CUX2: variants seen among roughly 807,000 people sequenced by gnomAD.
CUX2 encodes the protein cut like homeobox 2, also known as homeobox protein cut-like 2.
In CUX2, 40 loss-of-function variants were observed where a neutral mutation model predicts 144.8. That is an observed-to-expected ratio of 0.28 (90% CI 0.21 to 0.36). The LOEUF (loss-of-function observed/expected upper bound fraction) is 0.36. Ranked by LOEUF, CUX2 falls within the 10% of genes least tolerant of loss-of-function variation. The probability of loss-of-function intolerance (pLI) is 1.00; values close to 1 mark genes in which losing one functional copy is unlikely to be tolerated. For missense variants in CUX2, 1,615 were observed against 1,994.0 expected, an observed-to-expected ratio of 0.81 and a Z score of 3.62; for synonymous variants, 827 against 875.6, an observed-to-expected ratio of 0.94 and a Z score of 0.98.
intron 1 of CUX2, among the ~76,000 whole-genome samples, chr12:111,169,620 G>A (rs1267940109): frequency 6.6e-6 from 1 of 152,204 alleles, no homozygotes; most frequent in Non-Finnish European, 1.5e-5. Context: ...AGAGGAAAAA[G>A]CCTCCTCAGT....
intron 1 of CUX2, among the ~76,000 whole-genome samples, chr12:111,211,886 C>CAA (rs1169597609): frequency 0.013 from 1,133 of 84,604 alleles, 18 homozygotes; most frequent in African/African-American, 0.042. Flanking sequence ...GACTCCGTCT[C>CAA]AAAAAAAAAA....
intron 1 of CUX2, among the ~76,000 whole-genome samples, chr12:111,090,664 A>G (rs1872505504): frequency 6.6e-6 from 1 of 151,960 alleles, no homozygotes; most frequent in African/African-American, 2.4e-5. Context: ...GGGTCAAATG[A>G]TATCCTCCCT....
intron 1 of CUX2, among the ~76,000 whole-genome samples, chr12:111,176,006 A>T (rs1468362682): frequency 3.8e-5 from 5 of 131,520 alleles, no homozygotes; most frequent in Non-Finnish European, 6.5e-5. Context: ...GGGAGAACTG[A>T]TGGGGTTTGA....
chr12:111,341,275 C>A (rs1224846677), intron 20 of CUX2, among the ~76,000 whole-genome samples: 1 of 151,940 alleles, frequency 6.6e-6, no homozygotes, highest in Non-Finnish European at 1.5e-5. Flanking sequence ...ACCTGGGTGA[C>A]AGAGAGAGAC....
intron 4 of CUX2, among the ~76,000 whole-genome samples, chr12:111,272,337 C>T (rs2136302648): frequency 6.6e-6 from 1 of 152,294 alleles, no homozygotes; most frequent in African/African-American, 2.4e-5. Flanking sequence ...CATGCCCACG[C>T]TTCTGCTCAG....
intron 18 of CUX2, among the ~76,000 whole-genome samples, chr12:111,329,127 T>A (rs991967738): frequency 6.7e-6 from 1 of 149,458 alleles, no homozygotes; most frequent in African/African-American, 2.5e-5. Context: ...TCATCTCTCT[T>A]GCACCATCCT....
intron 1 of CUX2, among the ~76,000 whole-genome samples, chr12:111,040,262 G>A (rs527786153): frequency 6.6e-6 from 1 of 151,468 alleles, no homozygotes; most frequent in Non-Finnish European, 1.5e-5. Context: ...ACTCCAGCCT[G>A]AGCAACTGAG....
chr12:111,267,580 G>A (rs908955334), intron 4 of CUX2, among the ~76,000 whole-genome samples: 1 of 152,206 alleles, frequency 6.6e-6, no homozygotes, highest in African/African-American at 2.4e-5. Context: ...TCCTACGGCT[G>A]TTGTAATAAA....
intron 1 of CUX2, among the ~76,000 whole-genome samples, chr12:111,095,165 G>A (rs1440644282): frequency 6.6e-6 from 1 of 152,158 alleles, no homozygotes; most frequent in East Asian, 1.9e-4. Context: ...CTGTGGTTAA[G>A]AGCATGAGGG....
intron 21 of CUX2, among the ~76,000 whole-genome samples, chr12:111,344,609 G>A (rs943538296): frequency 6.6e-6 from 1 of 152,204 alleles, no homozygotes; most frequent in Non-Finnish European, 1.5e-5. Flanking sequence ...CTTCCCACTG[G>A]AGGGAGCTGA....
At chr12:111,267,384 C>T (rs189756500) in intron 4 of CUX2, among the ~76,000 whole-genome samples, 9 of 152,174 alleles carry the variant, frequency 5.9e-5, no homozygotes, top group Middle Eastern at 6.8e-3. Context: ...CTGTGCTCTG[C>T]GTTTCACACG....
chr12:111,082,801 A>G (rs112372628), intron 1 of CUX2, among the ~76,000 whole-genome samples: 2,905 of 152,214 alleles, frequency 0.019, 95 homozygotes, highest in African/African-American at 0.066. Flanking sequence ...CCCTGAGCAG[A>G]CTGGTTTGGC....
At chr12:111,179,804 G>A (rs1473319189) in intron 1 of CUX2, among the ~76,000 whole-genome samples, 1 of 152,020 alleles carries the variant, frequency 6.6e-6, no homozygotes, top group Non-Finnish European at 1.5e-5. Context: ...AGCCTCCCGA[G>A]TAGCTGGGAC....
intron 4 of CUX2, among the ~76,000 whole-genome samples, chr12:111,280,024 C>G (rs1338465981): frequency 6.6e-6 from 1 of 152,068 alleles, no homozygotes; most frequent in Non-Finnish European, 1.5e-5. Context: ...TGGCTCGTGC[C>G]TATAATCCCA....
In CUX2 at chr12:111,178,773, G is replaced by A. The variant is rs1878997065; in HGVS notation, c.64-35427G>A. Among the ~76,000 whole-genome samples the A allele has an allele frequency of 6.6e-6, 1 of 152,194 alleles. No homozygotes were observed. The highest frequency in any genetic ancestry group is 6.5e-5 in the Admixed American group (1 of 15,282). ...GAATGAAGTCCAATGATTTATGCCTGTGATGAGGGCTCAGATGGAAGCGCA... is the reference window on the plus strand; with the variant it reads ...GAATGAAGTCCAATGATTTATGCCTATGATGAGGGCTCAGATGGAAGCGCA... On this transcript the variant is annotated intron_variant, in intron 1 of 21. Transcript: ENST00000261726. This position sits in a 1 kb window ranked among gnomAD's most constrained non-coding sequence, Gnocchi z 5.7.
rs1888930447 is a variant in CUX2 at position 111,348,703 on chromosome 12, T to G, written c.*378T>G. ...TTGGAATTTATCCCAGCTGATGCTG[T>G]TTTGATATTACAGAGAGTTATAAAA... On this transcript the variant is annotated 3_prime_UTR_variant, in exon 22 of 22. Transcript: ENST00000261726. The G allele has an allele frequency of 5.4e-6, 1 of 184,302 alleles. No individual in the cohort carries two copies. The highest frequency in any genetic ancestry group is 1.1e-5 in the Non-Finnish European group (1 of 88,426). 11.4% of individuals were successfully genotyped at this position (184,302 alleles called of 1,614,324 possible). A position where few individuals can be genotyped will look rare whatever the true frequency, so the allele number is the denominator to read the frequency against.
chr12:111,262,002 C>G (rs987641065), intron 3 of CUX2, among the ~76,000 whole-genome samples: 1 of 152,132 alleles, frequency 6.6e-6, no homozygotes, highest in Admixed American at 6.5e-5. Context: ...TTTCTGCCCT[C>G]CCCCAAGTGA....
At chr12:111,328,969 CTCTCT>C (rs1887954890) in intron 18 of CUX2, among the ~76,000 whole-genome samples, 2 of 101,368 alleles carry the variant, frequency 2.0e-5, no homozygotes, top group African/African-American at 5.8e-5. Context: ...CTCTCTCTCT[CTCTCT>C]CCCCCTCTCT....
chr12:111,236,186 T>C (rs2136250973), intron 3 of CUX2, among the ~76,000 whole-genome samples: 1 of 152,322 alleles, frequency 6.6e-6, no homozygotes, highest in African/African-American at 2.4e-5. Flanking sequence ...ATCCTTGTTA[T>C]CACCATCATT....
Sources: gnomAD v4.1 joint callset for allele counts (sites outside exome capture counted in the v4.1 genomes callset) on GRCh38, gnomAD v4.1.1 for gene constraint, Gnocchi (gnomAD v3.1) non-coding constraint, MANE v1.5 for transcripts, NCBI Gene and HGNC (gene_info 2026-07-23, HGNC 2026-07-21) for gene names.